The following TBC1D19 variants were observed in gnomAD, a reference collection of about 807,000 sequenced individuals.
The protein encoded by TBC1D19 is TBC1 domain family member 19.
In TBC1D19, 60 loss-of-function variants were observed where a neutral mutation model predicts 89.0. The observed-to-expected ratio is 0.67, with a 90% CI of 0.55 to 0.84. TBC1D19 has a LOEUF of 0.84. Ranked by LOEUF, TBC1D19 falls within the 40% of genes least tolerant of loss-of-function variation. The pLI, the probability that TBC1D19 is intolerant of heterozygous loss-of-function variation, is 0.00. For synonymous variants in TBC1D19, 189 were observed against 199.7 expected (o/e 0.95, Z 0.45); for missense variants, 500 against 610.8 (o/e 0.82, Z 1.91).
At chr4:26,715,869 A>C (rs1020303079) in intron 13 of TBC1D19, among the ~76,000 whole-genome samples, 1 of 152,100 alleles carries the variant, frequency 6.6e-6, no homozygotes, top group Non-Finnish European at 1.5e-5. Context: ...TACATCTGCC[A>C]CACACTGCTG....
At chr4:26,718,411 C>G (rs1302375101) in intron 14 of TBC1D19, among the ~76,000 whole-genome samples, 2 of 152,014 alleles carry the variant, frequency 1.3e-5, no homozygotes, top group Non-Finnish European at 2.9e-5. Flanking sequence ...AATTTATATG[C>G]TTTTAGCTCT....
chr4:26,756,616 A>G (rs1317375643), downstream of TBC1D19, among the ~76,000 whole-genome samples: 1 of 152,152 alleles, frequency 6.6e-6, no homozygotes, highest in Non-Finnish European at 1.5e-5. Context: ...GTAGGTAAGG[A>G]CCTGTAGGAC....
rs376363123 is a variant in TBC1D19, at chr4:26,741,225, G to A, written c.1227+1252G>A. On this transcript the variant is annotated intron_variant, in intron 17 of 20. Transcript: ENST00000264866. ...CAAAAAATTAGCCTGGCGCGGTGGC[G>A]GGCGCCTGTAGTCCCAGCTACTCGG... 2.5e-4 allele frequency among the ~76,000 whole-genome samples: 38 copies of A among 151,768 alleles called. No individual in the cohort carries two copies. In the East Asian group the frequency reaches 6.0e-3, roughly 24 times the overall value.
intron 4 of TBC1D19, among the ~76,000 whole-genome samples, chr4:26,632,020 T>G (rs1483210042): frequency 5.9e-5 from 9 of 152,134 alleles, no homozygotes; most frequent in Admixed American, 1.3e-4. Context: ...AGAAAATACC[T>G]GAATGAGCTG....
At chr4:26,712,987 G>T (rs1402671725) in intron 13 of TBC1D19, among the ~76,000 whole-genome samples, 1 of 152,056 alleles carries the variant, frequency 6.6e-6, no homozygotes, top group Non-Finnish European at 1.5e-5. Flanking sequence ...CAGGGATTAG[G>T]ATGTGGACAT....
chr4:26,734,876 G>A (rs1011049513), intron 15 of TBC1D19, among the ~76,000 whole-genome samples: 18 of 140,950 alleles, frequency 1.3e-4, no homozygotes, highest in Non-Finnish European at 2.0e-4. Flanking sequence ...TTTTGTGTGT[G>A]TATATGTATA....
chr4:26,609,948 C>G (rs1459473924), intron 1 of TBC1D19, among the ~76,000 whole-genome samples: 1 of 151,730 alleles, frequency 6.6e-6, no homozygotes, highest in East Asian at 1.9e-4. Flanking sequence ...AGATGATATA[C>G]CAATAAACAT....
At chr4:26,629,002 G>A (rs1742619163) in intron 4 of TBC1D19, among the ~76,000 whole-genome samples, 1 of 152,018 alleles carries the variant, frequency 6.6e-6, no homozygotes, top group Non-Finnish European at 1.5e-5. Flanking sequence ...AGCTAGAAAT[G>A]ATCTTGACCT....
At chr4:26,643,262 G>A (rs1477567787) in intron 7 of TBC1D19, among the ~76,000 whole-genome samples, 1 of 152,162 alleles carries the variant, frequency 6.6e-6, no homozygotes, top group Non-Finnish European at 1.5e-5. Flanking sequence ...TAGAACTCAG[G>A]ATTAAGAAAC....
the TBC1D19 span, among the ~76,000 whole-genome samples, chr4:26,830,898 C>T: frequency 6.6e-6 from 1 of 152,156 alleles, no homozygotes; most frequent in Non-Finnish European, 1.5e-5. Context: ...AAACTATACA[C>T]ACAGTTTGAG....
At chr4:26,736,267 C>A (rs1324167472) in intron 16 of TBC1D19, among the ~76,000 whole-genome samples, 2 of 135,276 alleles carry the variant, frequency 1.5e-5, no homozygotes, top group Non-Finnish European at 3.2e-5. Context: ...AATTGGAAAT[C>A]ATCATTCTCA....
the TBC1D19 span, among the ~76,000 whole-genome samples, chr4:26,819,396 A>T: frequency 1.3e-5 from 2 of 152,110 alleles, no homozygotes. Flanking sequence ...TTTCCCCTCA[A>T]CAGAGAGGGG....
At chr4:26,811,354 G>C in the TBC1D19 span, among the ~76,000 whole-genome samples, 1 of 152,336 alleles carries the variant, frequency 6.6e-6, no homozygotes, top group East Asian at 1.9e-4. Flanking sequence ...GGGGCCTGTC[G>C]TGGAGTGCTG....
At chr4:26,783,069 A>G in the TBC1D19 span, among the ~76,000 whole-genome samples, 1 of 152,218 alleles carries the variant, frequency 6.6e-6, no homozygotes, top group African/African-American at 2.4e-5. Flanking sequence ...GACAACTCAA[A>G]TCAGCTTCAA....
chr4:26,726,537 A>G (rs1029085086), intron 15 of TBC1D19, among the ~76,000 whole-genome samples: 3 of 152,222 alleles, frequency 2.0e-5, no homozygotes, highest in Non-Finnish European at 4.4e-5. Context: ...AATTTTAACT[A>G]CTGAAATAGA....
chr4:26,624,487 G>A (rs183497085), intron 4 of TBC1D19, among the ~76,000 whole-genome samples: 70 of 152,056 alleles, frequency 4.6e-4, no homozygotes, highest in Non-Finnish European at 9.1e-4. Flanking sequence ...TGGGATTACA[G>A]GCGTGAGCCA....
intron 17 of TBC1D19, among the ~76,000 whole-genome samples, chr4:26,740,198 AT>A (rs954150468): frequency 3.5e-4 from 53 of 152,170 alleles, no homozygotes; most frequent in African/African-American, 1.1e-3. Flanking sequence ...CATTTAAATG[AT>A]TTTTTTCTTT....
chr4:26,590,844 C>A (rs1313422688), intron 1 of TBC1D19, among the ~76,000 whole-genome samples: 9 of 61,770 alleles, frequency 1.5e-4, no homozygotes, highest in African/African-American at 5.9e-4. Context: ...CAGTGTCTTG[C>A]TATGTTTGTC....
At chr4:26,781,423 C>T in the TBC1D19 span, among the ~76,000 whole-genome samples, 1 of 152,220 alleles carries the variant, frequency 6.6e-6, no homozygotes, top group East Asian at 1.9e-4. Context: ...AAACCTCTTC[C>T]ACTGGGAGGT....
Sources: allele counts gnomAD v4.1 joint callset (sites outside exome capture counted in the v4.1 genomes callset), GRCh38; gene constraint gnomAD v4.1.1; transcripts MANE v1.5; gene names NCBI Gene and HGNC (gene_info 2026-07-23, HGNC 2026-07-21).